Variants in PKHD1 observed in about 807,000 individuals in gnomAD.
PKHD1 encodes the protein PKHD1 ciliary IPT domain containing fibrocystin/polyductin, also known as fibrocystin.
In PKHD1, 291 loss-of-function variants were observed where a neutral mutation model predicts 412.0. The ratio of observed to expected loss-of-function variants is 0.71; its 90% CI spans 0.64 to 0.78. The LOEUF (loss-of-function observed/expected upper bound fraction) is 0.78. Ranked by LOEUF, PKHD1 falls within the 30% of genes least tolerant of loss-of-function variation. The probability of loss-of-function intolerance (pLI) is 0.00; values close to 1 mark genes in which losing one functional copy is unlikely to be tolerated. For synonymous variants in PKHD1, 1,777 were observed against 1,821.5 expected, an observed-to-expected ratio of 0.98 and a Z score of 0.62; for missense variants, 4,825 against 4,950.7, an observed-to-expected ratio of 0.97 and a Z score of 0.76.
chr6:51,720,906 A>G, intron 60 of PKHD1: 1 of 780,934 alleles, frequency 1.3e-6, no homozygotes, highest in South Asian at 5.8e-5. Context: ...AATGCCCAAT[A>G]AGTATCTGTT....
chr6:51,887,853 A>G (rs1022519788), intron 43 of PKHD1, among the ~76,000 whole-genome samples: 2 of 152,194 alleles, frequency 1.3e-5, no homozygotes, highest in Admixed American at 1.3e-4. Context: ...TAATAAAAAT[A>G]TTGTCATTCT....
intron 36 of PKHD1, among the ~76,000 whole-genome samples, chr6:51,942,854 A>G (rs1788795707): frequency 6.6e-6 from 1 of 151,396 alleles, no homozygotes; most frequent in Non-Finnish European, 1.5e-5. Context: ...CTGCTATTCT[A>G]CTACTCCTCA....
intron 60 of PKHD1, among the ~76,000 whole-genome samples, chr6:51,709,849 A>ATT (rs10636108): frequency 0.28 from 40,036 of 142,278 alleles, 6,931 homozygotes; most frequent in East Asian, 0.56. Flanking sequence ...TGCTTTAGTC[A>ATT]TTTTTTTTTT....
At chr6:51,758,164 C>T (rs543025479) in intron 55 of PKHD1, among the ~76,000 whole-genome samples, 3 of 152,160 alleles carry the variant, frequency 2.0e-5, no homozygotes, top group Admixed American at 2.0e-4. Flanking sequence ...CATAAATAAA[C>T]TTAATCTGAC....
chr6:51,823,249 T>C (rs1766753493), intron 52 of PKHD1, among the ~76,000 whole-genome samples: 1 of 152,266 alleles, frequency 6.6e-6, no homozygotes, highest in Middle Eastern at 3.4e-3. Context: ...ATCATAAAAG[T>C]AGTTATTCTC....
At chr6:52,086,502 CA>C (rs577585337) in intron 1 of PKHD1, among the ~76,000 whole-genome samples, 124 of 149,648 alleles carry the variant, frequency 8.3e-4, no homozygotes, top group South Asian at 6.3e-3. Flanking sequence ...CTCCCCCCCT[CA>C]AAAAAAAAAT....
At position 51,909,306 on chromosome 6, in the gene PKHD1, A is replaced by T. The variant is rs1782607759; in HGVS notation, c.6659T>A (p.Leu2220His). Residue 2220 changes from leucine to histidine, a missense_variant, in exon 40 of 67, where the codon CTC becomes CAC. By Grantham distance (99) the Leu-to-His change is moderately conservative. Transcript: ENST00000371117. ...GQAFHKHLSSLTLVGAMRESF... is the reference protein window; with the variant it reads ...GQAFHKHLSSHTLVGAMRESF... Reference sequence around the variant, plus strand: ...ACCTCTCATAGCTCCCACCAGAGTGAGTGAGCTCAGATGCTTATGGAAGGC... The same window carrying T: ...ACCTCTCATAGCTCCCACCAGAGTGTGTGAGCTCAGATGCTTATGGAAGGC... 1.9e-6 allele frequency: 3 copies of T among 1,613,182 alleles called. No individual in the cohort carries two copies. In the South Asian group the frequency reaches 3.3e-5, roughly 18 times the overall value.
chr6:51,687,766 G>A (rs1325359525), intron 60 of PKHD1, among the ~76,000 whole-genome samples: 1 of 152,184 alleles, frequency 6.6e-6, no homozygotes, highest in Non-Finnish European at 1.5e-5. Context: ...ATAACATGAT[G>A]CTCTTGGTGT....
chr6:52,084,853 A>G (rs1446671122), intron 2 of PKHD1, 29 bp downstream of exon 2: 14 of 1,414,744 alleles, frequency 9.9e-6, no homozygotes, highest in African/African-American at 1.4e-5. Context: ...GTTCTTACCT[A>G]TAATTCCTTC....
At chr6:52,044,393 G>T (rs747818583) in intron 25 of PKHD1, among the ~76,000 whole-genome samples, 39 of 152,090 alleles carry the variant, frequency 2.6e-4, no homozygotes, top group Non-Finnish European at 3.5e-4. Context: ...AAAGGAAGAG[G>T]TATTGCAATG....
intron 65 of PKHD1, among the ~76,000 whole-genome samples, 190 bp from the exon 66 acceptor site, chr6:51,627,306 A>G (rs1767377501): frequency 6.6e-6 from 1 of 152,146 alleles, no homozygotes; most frequent in South Asian, 2.1e-4. Flanking sequence ...ACTTTATGGT[A>G]TAAAACTGTA....
chr6:52,058,034 G>A (rs918386219), intron 16 of PKHD1, among the ~76,000 whole-genome samples: 5 of 152,142 alleles, frequency 3.3e-5, no homozygotes, highest in African/African-American at 1.2e-4. Flanking sequence ...CATACATGTC[G>A]GGCGTGTGTT....
intron 24 of PKHD1, 113 bp from the exon 25 acceptor site, chr6:52,045,201 A>C: frequency 9.9e-7 from 1 of 1,007,732 alleles, no homozygotes; most frequent in Non-Finnish European, 1.5e-6. Flanking sequence ...GACAGCTAGA[A>C]AGTGAAAGCA....
chr6:52,044,549 T>C lies in PKHD1; in HGVS notation c.2715+417A>G, dbSNP rs560683273. On this transcript the variant is annotated intron_variant, in intron 25 of 66. Coordinates refer to ENST00000371117, the MANE Select transcript of PKHD1 (RefSeq NM_138694.4). ...TTGATAATATTATTCTTTATTGTTT[T>C]TGTATTTTAAAACTTTATCAAATTG... 4.9e-4 allele frequency among the ~76,000 whole-genome samples: 74 copies of C among 152,318 alleles called. 1 individual carries two copies. The highest frequency in any genetic ancestry group is 1.6e-3 in the African/African-American group (68 of 41,576).
chr6:51,791,617 C>T (rs1793761862), intron 52 of PKHD1, among the ~76,000 whole-genome samples: 1 of 152,186 alleles, frequency 6.6e-6, no homozygotes, highest in Admixed American at 6.5e-5. Context: ...ACTGCTTATG[C>T]ACCAAACAGC....
intron 53 of PKHD1, among the ~76,000 whole-genome samples, chr6:51,777,043 C>T (rs1791142488): frequency 2.0e-5 from 3 of 151,898 alleles, no homozygotes; most frequent in African/African-American, 7.3e-5. Context: ...GAAGGTAATC[C>T]CAAAATTATA....
chr6:51,661,585 T>C (rs1772879658), intron 60 of PKHD1, among the ~76,000 whole-genome samples: 1 of 152,088 alleles, frequency 6.6e-6, no homozygotes, highest in South Asian at 2.1e-4. Flanking sequence ...TCGGAAGTTG[T>C]TGATATTAAA....
At chr6:52,060,279 A>G (rs1015880395) in intron 14 of PKHD1, among the ~76,000 whole-genome samples, 1 of 152,218 alleles carries the variant, frequency 6.6e-6, no homozygotes, top group Non-Finnish European at 1.5e-5. Flanking sequence ...CATGTTTGGG[A>G]AAGTTGTAGC....
intron 41 of PKHD1, among the ~76,000 whole-genome samples, chr6:51,905,051 C>A (rs899944998): frequency 2.0e-5 from 3 of 152,184 alleles, no homozygotes; most frequent in Non-Finnish European, 4.4e-5. Context: ...TAGACAGTTT[C>A]CATCTCAGGA....
Sources: allele counts gnomAD v4.1 joint callset (sites outside exome capture counted in the v4.1 genomes callset), GRCh38; gene constraint gnomAD v4.1.1; transcripts MANE v1.5; gene names NCBI Gene and HGNC (gene_info 2026-07-23, HGNC 2026-07-21).